Variants in RPA3 observed in about 807,000 individuals in gnomAD.
RPA3 encodes replication protein A3, also known as replication protein A 14 kDa subunit.
In RPA3, 24 loss-of-function variants were observed where a neutral mutation model predicts 13.7. The observed-to-expected ratio is 1.75, with a 90% CI of 1.27 to 2.46. RPA3 has a LOEUF of 2.46. RPA3 is among the 30% of genes most tolerant of loss of function. The pLI, the probability that RPA3 is intolerant of heterozygous loss-of-function variation, is 0.00. For missense variants in RPA3, 183 were observed against 151.0 expected (o/e 1.21, Z -1.11); for synonymous variants, 59 against 51.2 (o/e 1.15, Z -0.65).
intron 1 of RPA3, among the ~76,000 whole-genome samples, chr7:7,715,711 T>G (rs1476863758): frequency 2.0e-5 from 3 of 152,206 alleles, no homozygotes; most frequent in Non-Finnish European, 4.4e-5. Context: ...TTGAATGTAA[T>G]ATCCTTCCTG....
intron 4 of RPA3, among the ~76,000 whole-genome samples, chr7:7,641,921 T>G (rs911952106): frequency 6.6e-6 from 1 of 152,178 alleles, no homozygotes; most frequent in African/African-American, 2.4e-5. Context: ...ACTTAATAGG[T>G]TTGTCTTAGT....
intron 2 of RPA3, among the ~76,000 whole-genome samples, chr7:7,695,715 T>G (rs1473856344): frequency 4.6e-5 from 7 of 152,198 alleles, no homozygotes; most frequent in Admixed American, 2.6e-4. Flanking sequence ...CTCAACAACT[T>G]GTGTCCTATG....
chr7:7,693,696 CTT>C (rs1563128869), intron 2 of RPA3, among the ~76,000 whole-genome samples: 5 of 151,974 alleles, frequency 3.3e-5, no homozygotes, highest in African/African-American at 1.2e-4. Context: ...TTTATAATGA[CTT>C]TATTACAATT....
At chr7:7,650,230 T>C (rs1299755597) in intron 4 of RPA3, among the ~76,000 whole-genome samples, 1 of 152,256 alleles carries the variant, frequency 6.6e-6, no homozygotes, top group Non-Finnish European at 1.5e-5. Flanking sequence ...GCCTAGACAT[T>C]ATTATTGCTT....
In RPA3 at chr7:7,715,241, A is replaced by C. The variant is rs1291268544; in HGVS notation, c.-1079-15T>G. 6.6e-6 allele frequency: 1 copy of C among 152,190 alleles called. No homozygotes were observed. Among genetic ancestry groups the C allele is most frequent in the African/African-American group, 2.4e-5 (1 of 41,436 alleles). The allele number at this position is 152,190 out of a possible 1,614,324, so 9.4% of individuals were successfully genotyped here. Reference sequence around the variant, plus strand: ...TTTCTGAGTACCTGAGACAAAGTGAACTACAAGTAGGATAAGAACTGAAAA... The same window carrying C: ...TTTCTGAGTACCTGAGACAAAGTGACCTACAAGTAGGATAAGAACTGAAAA... On this transcript the variant is annotated splice_polypyrimidine_tract_variant and intron_variant, in intron 1 of 7. Coordinates refer to ENST00000223129, the MANE Select transcript of RPA3 (RefSeq NM_002947.5).
At chr7:7,697,516 C>T (rs1343199165) in intron 2 of RPA3, among the ~76,000 whole-genome samples, 2 of 152,142 alleles carry the variant, frequency 1.3e-5, no homozygotes, top group African/African-American at 4.8e-5. Flanking sequence ...ATTGTGGCTT[C>T]CTTTTGTGGC....
intron 3 of RPA3, among the ~76,000 whole-genome samples, chr7:7,686,394 G>A (rs575474038): frequency 6.6e-6 from 1 of 152,246 alleles, no homozygotes; most frequent in East Asian, 1.9e-4. Context: ...TTTTAAAGCA[G>A]TAAAGTTATG....
chr7:7,642,049 C>G (rs1784985606), intron 4 of RPA3, among the ~76,000 whole-genome samples: 1 of 152,204 alleles, frequency 6.6e-6, no homozygotes, highest in Non-Finnish European at 1.5e-5. Flanking sequence ...TTTTATATTA[C>G]AGCTTTAAGT....
intron 4 of RPA3, among the ~76,000 whole-genome samples, chr7:7,665,330 T>C (rs1293221998): frequency 6.6e-6 from 1 of 152,244 alleles, no homozygotes; most frequent in African/African-American, 2.4e-5. Flanking sequence ...AGTCTGTGTA[T>C]ACCATTAAAA....
At position 7,658,688 on chromosome 7, in the gene RPA3, T is replaced by C. The variant is rs1785402968; in HGVS notation, c.-757-17513A>G. Among the ~76,000 whole-genome samples, 3 of 152,242 alleles carry C rather than the reference T, an allele frequency of 2.0e-5. 1 individual carries two copies. In the South Asian group the frequency reaches 6.2e-4, roughly 32 times the overall value. On this transcript the variant is annotated intron_variant, in intron 4 of 7. Coordinates refer to ENST00000223129, the MANE Select transcript of RPA3 (RefSeq NM_002947.5). ...ATTTGATTGTGGTGGATAAGCTATTTGATGTGCTGTTGGATTCAGTTTGCC... is the reference window on the plus strand; with the variant it reads ...ATTTGATTGTGGTGGATAAGCTATTCGATGTGCTGTTGGATTCAGTTTGCC...
chr7:7,685,241 G>GT (rs911329903), intron 4 of RPA3, among the ~76,000 whole-genome samples: 84 of 150,524 alleles, frequency 5.6e-4, no homozygotes, highest in African/African-American at 1.9e-3. Flanking sequence ...TTGAGCATCT[G>GT]TTTTTTTTAT....
chr7:7,652,730 A>G (rs1785251159), intron 4 of RPA3, among the ~76,000 whole-genome samples: 1 of 152,242 alleles, frequency 6.6e-6, no homozygotes, highest in Non-Finnish European at 1.5e-5. Context: ...TGTTGGTTGA[A>G]TGAATTAAAT....
intron 2 of RPA3, among the ~76,000 whole-genome samples, chr7:7,704,702 G>C (rs1174554904): frequency 6.9e-6 from 1 of 145,754 alleles, no homozygotes; most frequent in East Asian, 2.0e-4. Flanking sequence ...AGGGGGTGGA[G>C]GTTGCAGTGA....
At position 7,638,345 on chromosome 7, in the gene RPA3, C is replaced by G. The variant is rs28916305; in HGVS notation, c.175-373G>C. ...CAAACAGCATATGGATTTGTCTTCA[C>G]AAAATACCAAAAAAAGTTTTAAGTA... On this transcript the variant is annotated intron_variant, in intron 6 of 7. Transcript: ENST00000223129. The G allele has an allele frequency of 5.2e-3, 802 of 153,716 alleles. 6 individuals are homozygous for G. The highest frequency in any genetic ancestry group is 0.019 in the African/African-American group (778 of 41,460). 9.5% of individuals were successfully genotyped at this position (153,716 alleles called of 1,614,324 possible).
intron 2 of RPA3, among the ~76,000 whole-genome samples, chr7:7,704,378 G>C (rs1458858678): frequency 1.3e-5 from 2 of 151,856 alleles, no homozygotes; most frequent in African/African-American, 4.8e-5. Context: ...TATAACTGAC[G>C]TAAGAGTCCT....
chr7:7,655,094 A>G (rs1289353592), intron 4 of RPA3, among the ~76,000 whole-genome samples: 1 of 152,144 alleles, frequency 6.6e-6, no homozygotes, highest in African/African-American at 2.4e-5. Flanking sequence ...AACAGCAATG[A>G]TTCCAGACAG....
intron 2 of RPA3, among the ~76,000 whole-genome samples, chr7:7,696,054 G>C (rs962560512): frequency 6.8e-6 from 1 of 147,582 alleles, no homozygotes; most frequent in Non-Finnish European, 1.5e-5. Flanking sequence ...TGCCCAGGCT[G>C]GATTACAGTG....
At chr7:7,657,017 G>T (rs1474449248) in intron 4 of RPA3, among the ~76,000 whole-genome samples, 1 of 152,102 alleles carries the variant, frequency 6.6e-6, no homozygotes, top group Non-Finnish European at 1.5e-5. Context: ...TCTAACTGGC[G>T]TGAGAATGTA....
At chr7:7,652,495 A>G (rs1271500642) in intron 4 of RPA3, among the ~76,000 whole-genome samples, 1 of 152,234 alleles carries the variant, frequency 6.6e-6, no homozygotes, top group African/African-American at 2.4e-5. Context: ...ACTAGACTAG[A>G]ATGTGAGTAA....
Sources: gnomAD v4.1 joint callset for allele counts (sites outside exome capture counted in the v4.1 genomes callset) on GRCh38, gnomAD v4.1.1 for gene constraint, MANE v1.5 for transcripts, NCBI Gene and HGNC (gene_info 2026-07-23, HGNC 2026-07-21) for gene names.